Variants in RBFOX3 observed in about 807,000 individuals in gnomAD.
RBFOX3 encodes RNA binding protein fox-1 homolog 3.
In RBFOX3, 17 loss-of-function variants were observed where a neutral mutation model predicts 48.7. The ratio of observed to expected loss-of-function variants is 0.35; its 90% CI spans 0.24 to 0.52. The LOEUF (loss-of-function observed/expected upper bound fraction) is 0.52. Ranked by LOEUF, RBFOX3 falls within the 20% of genes least tolerant of loss-of-function variation. The pLI is 0.94. For missense variants in RBFOX3, 382 were observed against 497.5 expected, an observed-to-expected ratio of 0.77 and a Z score of 2.21; for synonymous variants, 212 against 209.5, an observed-to-expected ratio of 1.01 and a Z score of -0.10.
chr17:79,367,888 T>A (rs920105630), intron 2 of RBFOX3, among the ~76,000 whole-genome samples: 1 of 152,116 alleles, frequency 6.6e-6, no homozygotes, highest in Non-Finnish European at 1.5e-5. Context: ...TCACTATGAA[T>A]GGGTTTCTCC....
chr17:79,520,322 C>T (rs993840401), intron 1 of RBFOX3, among the ~76,000 whole-genome samples: 24 of 152,188 alleles, frequency 1.6e-4, no homozygotes, highest in Non-Finnish European at 2.9e-4. Flanking sequence ...AGACTGGGGA[C>T]GTGCAGGGCA....
chr17:79,485,983 G>A (rs1306060051), intron 1 of RBFOX3, among the ~76,000 whole-genome samples: 3 of 152,278 alleles, frequency 2.0e-5, no homozygotes, highest in African/African-American at 4.8e-5. Flanking sequence ...CCATAGCGCA[G>A]AACACGGGCC....
the RBFOX3 span, among the ~76,000 whole-genome samples, chr17:79,655,512 A>G: frequency 2.0e-5 from 3 of 152,234 alleles, no homozygotes; most frequent in Non-Finnish European, 4.4e-5. Context: ...CTGAAAGCCT[A>G]AAGTTTTACC....
At chr17:79,284,242 C>T (rs2071315414) in intron 3 of RBFOX3, among the ~76,000 whole-genome samples, 2 of 152,212 alleles carry the variant, frequency 1.3e-5, no homozygotes, top group Admixed American at 1.3e-4. Context: ...GTGGACAGTC[C>T]GTTTCCAATG....
intron 1 of RBFOX3, among the ~76,000 whole-genome samples, chr17:79,582,248 A>G (rs2093093953): frequency 6.6e-6 from 1 of 150,606 alleles, no homozygotes; most frequent in Non-Finnish European, 1.5e-5. Flanking sequence ...CTGCCCATGT[A>G]TGTGCCTGTG....
At chr17:79,338,430 TTC>T (rs2081537958) in intron 2 of RBFOX3, among the ~76,000 whole-genome samples, 1 of 152,120 alleles carries the variant, frequency 6.6e-6, no homozygotes, top group African/African-American at 2.4e-5. Context: ...TTTGTGAAAT[TTC>T]TGTCTTTCCA....
At chr17:79,469,363 A>G (rs1198900830) in intron 2 of RBFOX3, among the ~76,000 whole-genome samples, 2 of 152,180 alleles carry the variant, frequency 1.3e-5, no homozygotes, top group Non-Finnish European at 2.9e-5. Context: ...CCGCCCATGC[A>G]GTCCTGGGAA....
In RBFOX3 at chr17:79,104,925, C is replaced by CGG. The variant is rs1555688509; in HGVS notation, c.361-800_361-799insCC. Among the ~76,000 whole-genome samples the CGG allele has an allele frequency of 2.8e-3, 7 of 2,470 alleles. No homozygotes were observed. The East Asian group carries it at 0.042, about 15-fold the overall frequency. 1.6% of individuals were successfully genotyped at this position (2,470 alleles called of 152,430 possible). On this transcript the variant is annotated intron_variant, in intron 6 of 14. Transcript: ENST00000693108. ...TGTGCTGGCGTGCGGTGCTGAGCAACTGTTCAGGTCGTTTGGGCCAGCTGG... is the reference window on the plus strand; with the variant it reads ...TGTGCTGGCGTGCGGTGCTGAGCAACGGTGTTCAGGTCGTTTGGGCCAGCTGG...
At chr17:79,575,255 C>T (rs1335207574) in intron 1 of RBFOX3, among the ~76,000 whole-genome samples, 1 of 152,084 alleles carries the variant, frequency 6.6e-6, no homozygotes, top group Non-Finnish European at 1.5e-5. Flanking sequence ...GTATGAAACG[C>T]TGTGAGGGCA....
intron 3 of RBFOX3, among the ~76,000 whole-genome samples, chr17:79,273,848 G>T (rs2068214214): frequency 6.6e-6 from 1 of 152,196 alleles, no homozygotes; most frequent in South Asian, 2.1e-4. Context: ...AGTATTTGCA[G>T]GGGGGAAGGA....
At chr17:79,266,385 G>A (rs533983795) in intron 3 of RBFOX3, among the ~76,000 whole-genome samples, 22 of 152,306 alleles carry the variant, frequency 1.4e-4, no homozygotes, top group South Asian at 8.3e-4. Flanking sequence ...TGCTCCGCCC[G>A]CCCATCTCAT....
At chr17:79,229,975 C>T (rs2060810079) in intron 4 of RBFOX3, among the ~76,000 whole-genome samples, 1 of 152,208 alleles carries the variant, frequency 6.6e-6, no homozygotes, top group South Asian at 2.1e-4. Flanking sequence ...GCTGGAGATG[C>T]TGTGCCCAGA....
rs1460023697 is a variant in RBFOX3, at chr17:79,243,544, A to G, written c.-73-7739T>C. On this transcript the variant is annotated intron_variant, in intron 3 of 14. Coordinates refer to ENST00000693108, the MANE Select transcript of RBFOX3 (RefSeq NM_001350451.2). This position sits in a 1 kb window ranked among gnomAD's most constrained non-coding sequence, Gnocchi z 7.9. ...GTCAATTGCTTGGGTGATATATTAG[A>G]GGTTCTGTCTGGTGGGATGAGGTCT... is the stretch of plus-strand genomic sequence containing the variant. 6.6e-6 allele frequency among the ~76,000 whole-genome samples: 1 copy of G among 151,952 alleles called. No homozygotes were observed. The highest frequency in any genetic ancestry group is 1.5e-5 in the Non-Finnish European group (1 of 67,982).
At chr17:79,268,131 CCGT>C (rs1399028621) in intron 3 of RBFOX3, among the ~76,000 whole-genome samples, 1 of 142,484 alleles carries the variant, frequency 7.0e-6, no homozygotes, top group Non-Finnish European at 1.5e-5. Context: ...TTCCTGGCTG[CCGT>C]GAGGGGCAAG....
chr17:79,321,444 A>G (rs2078510669), intron 2 of RBFOX3, among the ~76,000 whole-genome samples: 1 of 152,210 alleles, frequency 6.6e-6, no homozygotes, highest in Non-Finnish European at 1.5e-5. Context: ...TCCTAACTGG[A>G]GCCGAGACAC....
At chr17:79,303,901 A>G (rs1369519663) in intron 3 of RBFOX3, among the ~76,000 whole-genome samples, 1 of 151,626 alleles carries the variant, frequency 6.6e-6, no homozygotes, top group Non-Finnish European at 1.5e-5. Flanking sequence ...TTGGCCACAC[A>G]TGCATCTGGA....
intron 4 of RBFOX3, among the ~76,000 whole-genome samples, chr17:79,146,954 C>A (rs576972653): frequency 6.6e-6 from 1 of 152,224 alleles, no homozygotes; most frequent in Non-Finnish European, 1.5e-5. Context: ...ATGATCAAAA[C>A]GGGCCCCCTG....
chr17:79,376,603 C>G (rs1164112083), intron 2 of RBFOX3, among the ~76,000 whole-genome samples: 1 of 152,174 alleles, frequency 6.6e-6, no homozygotes, highest in Admixed American at 6.5e-5. Context: ...AGGGCATCCC[C>G]GGCCCAGCCC....
chr17:79,145,132 A>G (rs1370644045), intron 4 of RBFOX3, among the ~76,000 whole-genome samples: 1 of 152,144 alleles, frequency 6.6e-6, no homozygotes, highest in East Asian at 1.9e-4. Flanking sequence ...AACTGCCCAG[A>G]AAAACAGCTC....
Sources: gnomAD v4.1 joint callset for allele counts (sites outside exome capture counted in the v4.1 genomes callset) on GRCh38, gnomAD v4.1.1 for gene constraint, Gnocchi (gnomAD v3.1) non-coding constraint, MANE v1.5 for transcripts, NCBI Gene and HGNC (gene_info 2026-07-23, HGNC 2026-07-21) for gene names.